Variants in STOX2 observed in about 807,000 individuals in gnomAD.
The protein encoded by STOX2 is storkhead-box protein 2.
In STOX2, 28 loss-of-function variants were observed where a neutral mutation model predicts 60.9. The observed-to-expected ratio is 0.46, with a 90% CI of 0.34 to 0.63. STOX2 has a LOEUF of 0.63. Among genes scored for constraint, STOX2 ranks in the 30% least tolerant of loss-of-function variants. The probability of loss-of-function intolerance (pLI) is 0.01; values close to 1 mark genes in which losing one functional copy is unlikely to be tolerated. For missense variants in STOX2, 1,024 were observed against 1,187.7 expected (o/e 0.86, Z 2.03); for synonymous variants, 472 against 463.9 (o/e 1.02, Z -0.22).
At chr4:183,938,444 G>C (rs1044937797) in intron 1 of STOX2, among the ~76,000 whole-genome samples, 2 of 152,004 alleles carry the variant, frequency 1.3e-5, no homozygotes, top group African/African-American at 2.4e-5. Context: ...CAAGGTGGGC[G>C]GATCACCTCA....
chr4:184,018,779 G>A lies in STOX2; in HGVS notation c.*1495G>A, dbSNP rs1284110820. On this transcript the variant is annotated 3_prime_UTR_variant, in exon 4 of 4. Transcript: ENST00000308497. Reference sequence around the variant, plus strand: ...CAAGGAGACATTCCAACGTTCCCATGTTTTATTTTCTGAGAACAGTGGGAC... The same window carrying A: ...CAAGGAGACATTCCAACGTTCCCATATTTTATTTTCTGAGAACAGTGGGAC... The A allele has an allele frequency of 6.6e-6, 1 of 152,126 alleles. No individual in the cohort carries two copies. Among genetic ancestry groups the A allele is most frequent in the East Asian group, 1.9e-4 (1 of 5,204 alleles). The allele number at this position is 152,126 out of a possible 1,614,324, so 9.4% of individuals were successfully genotyped here.
At position 183,824,830 on chromosome 4, in the gene STOX2, C is replaced by T. The variant is rs1470609064; in HGVS notation, c.364+26775C>T. Among the ~76,000 whole-genome samples the T allele has an allele frequency of 3.9e-5, 6 of 152,308 alleles. 1 individual carries two copies. In the Middle Eastern group the frequency reaches 0.014, roughly 345 times the overall value. On this transcript the variant is annotated intron_variant, in intron 1 of 2. Transcript: ENST00000513034. Reference sequence around the variant, plus strand: ...TCAGGACTCAGGGCTTCCCCAGACACGCAGGGCAGCAGACTGTGGCGGGTG... The same window carrying T: ...TCAGGACTCAGGGCTTCCCCAGACATGCAGGGCAGCAGACTGTGGCGGGTG...
At chr4:183,889,425 C>T (rs1560865449) in intron 1 of STOX2, among the ~76,000 whole-genome samples, 1 of 152,188 alleles carries the variant, frequency 6.6e-6, no homozygotes, top group Non-Finnish European at 1.5e-5. Context: ...GCAGCACCCC[C>T]AGAGGAAACA....
chr4:184,009,114 T>C lies in STOX2; in HGVS notation c.320-44T>C. The C allele has an allele frequency of 7.2e-7, 1 of 1,387,684 alleles. No individual in the cohort carries two copies. Among genetic ancestry groups the C allele is most frequent in the African/African-American group, 1.5e-5 (1 of 68,902 alleles). 86.0% of individuals were successfully genotyped at this position (1,387,684 alleles called of 1,614,324 possible). ...TCCTGGAAATCAGGAATCCACATGT[T>C]CTGTCTTCATTCTCACAAGTGGTTT... On this transcript the variant is annotated intron_variant, in intron 2 of 3. Transcript: ENST00000308497. The surrounding 1 kb of genome is among the most constrained non-coding windows in gnomAD (Gnocchi z 4.0).
intron 1 of STOX2, among the ~76,000 whole-genome samples, chr4:183,860,359 C>A (rs1016027310): frequency 6.6e-6 from 1 of 150,428 alleles, no homozygotes; most frequent in Non-Finnish European, 1.5e-5. Flanking sequence ...TCCAGGACTT[C>A]TGGCTTTCAG....
chr4:183,864,886 A>G (rs1299357778), intron 1 of STOX2, among the ~76,000 whole-genome samples: 1 of 152,026 alleles, frequency 6.6e-6, no homozygotes, highest in East Asian at 1.9e-4. Context: ...TCTTCCCAAA[A>G]AACTTCAGGT....
intron 1 of STOX2, among the ~76,000 whole-genome samples, chr4:183,874,189 C>T (rs529718018): frequency 3.9e-4 from 59 of 152,276 alleles, no homozygotes; most frequent in South Asian, 1.2e-3. Flanking sequence ...AAAAATGTCA[C>T]GGATGTGTCC....
intron 1 of STOX2, among the ~76,000 whole-genome samples, chr4:183,957,489 G>A (rs139940352): frequency 1.9e-4 from 25 of 132,262 alleles, no homozygotes; most frequent in African/African-American, 7.6e-4. Context: ...TTTGTTGAAC[G>A]AAAATAAGCA....
intron 1 of STOX2, among the ~76,000 whole-genome samples, chr4:183,845,439 A>G (rs925438075): frequency 1.1e-4 from 16 of 152,342 alleles, no homozygotes; most frequent in Middle Eastern, 3.4e-3. Flanking sequence ...TGAGGACAAA[A>G]AGATGGAAAA....
In STOX2 at chr4:184,005,646, G is replaced by A. The variant is rs368413430; in HGVS notation, c.320-3512G>A. Among the ~76,000 whole-genome samples, 23 of 152,092 alleles carry A rather than the reference G, an allele frequency of 1.5e-4. 1 individual carries two copies. In the East Asian group the frequency reaches 1.9e-3, roughly 13 times the overall value. On this transcript the variant is annotated intron_variant, in intron 2 of 3. Transcript: ENST00000308497. ...GAACTCATGATGAACTTTCGGAGTC[G>A]AATTTGGAAGTAGTGGAATATGCAA... is the stretch of plus-strand genomic sequence containing the variant.
chr4:183,817,283 C>T (rs1739175311), intron 1 of STOX2, among the ~76,000 whole-genome samples: 1 of 152,296 alleles, frequency 6.6e-6, no homozygotes, highest in Non-Finnish European at 1.5e-5. Flanking sequence ...TCAGTCCTTA[C>T]CAACAAGATG....
At chr4:183,887,664 C>T (rs888406564) in intron 1 of STOX2, among the ~76,000 whole-genome samples, 1 of 152,244 alleles carries the variant, frequency 6.6e-6, no homozygotes, top group Non-Finnish European at 1.5e-5. Context: ...AGATTTTGGA[C>T]TTCGCTCAAG....
At chr4:183,949,000 A>T (rs17075169) in intron 1 of STOX2, among the ~76,000 whole-genome samples, 2,460 of 152,250 alleles carry the variant, frequency 0.016, 53 homozygotes, top group African/African-American at 0.039. Flanking sequence ...AAGGATGCTA[A>T]TTCCTGGAGA....
intron 1 of STOX2, among the ~76,000 whole-genome samples, chr4:183,948,540 CTTTTTTT>C (rs10687778): frequency 1.9e-4 from 15 of 78,182 alleles, no homozygotes; most frequent in Non-Finnish European, 3.2e-4. Context: ...ATGCCTTATC[CTTTTTTT>C]TTTTTTTTTT....
chr4:183,872,208 T>C (rs6552713), intron 1 of STOX2, among the ~76,000 whole-genome samples: 148,611 of 152,214 alleles, frequency 0.98, 72,644 homozygotes, highest in East Asian at 1. Flanking sequence ...GCGCCCACAA[T>C]CATGCTCAGG....
upstream of STOX2, among the ~76,000 whole-genome samples, chr4:183,905,147 G>A (rs1311768854): frequency 1.3e-5 from 2 of 152,206 alleles, no homozygotes; most frequent in African/African-American, 2.4e-5. Flanking sequence ...AAGCGTGGTC[G>A]GGGTTAGCAG....
intron 1 of STOX2, among the ~76,000 whole-genome samples, chr4:183,974,184 ATATTTGAAATGTGTAGAGCAACAGC>A (rs1230646492): frequency 6.6e-6 from 1 of 152,194 alleles, no homozygotes; most frequent in Non-Finnish European, 1.5e-5. Flanking sequence ...TTAAGTATAT[ATATTTGAAATGTGTAGAGCAACAGC>A]TAAAGACACC....
At chr4:183,813,267 C>T (rs777947045) in intron 1 of STOX2, among the ~76,000 whole-genome samples, 1 of 152,106 alleles carries the variant, frequency 6.6e-6, no homozygotes, top group Non-Finnish European at 1.5e-5. Flanking sequence ...CCTGTAATTC[C>T]AGCTACTTGG....
chr4:183,996,169 G>A (rs1733335825), intron 1 of STOX2, among the ~76,000 whole-genome samples: 1 of 152,208 alleles, frequency 6.6e-6, no homozygotes, highest in Admixed American at 6.5e-5. Context: ...ATCTGAAATA[G>A]CCTAGATTTG....
Sources: allele counts gnomAD v4.1 joint callset (sites outside exome capture counted in the v4.1 genomes callset), GRCh38; gene constraint gnomAD v4.1.1; non-coding constraint Gnocchi (gnomAD v3.1); transcripts MANE v1.5; gene names NCBI Gene and HGNC (gene_info 2026-07-23, HGNC 2026-07-21).